Variants in PHEX observed in about 807,000 individuals in gnomAD.
PHEX encodes the protein phosphate-regulating neutral endopeptidase PHEX.
PHEX carries 16 observed loss-of-function variants against 68.0 expected under a neutral mutation model. The observed-to-expected ratio is 0.24, with a 90% confidence interval of 0.16 to 0.36. The LOEUF is 0.36. Ranked by LOEUF, PHEX falls within the 10% of genes least tolerant of loss-of-function variation. The probability of loss-of-function intolerance (pLI) is 1.00; values close to 1 mark genes in which losing one functional copy is unlikely to be tolerated. For synonymous variants in PHEX, 208 were observed against 205.1 expected, an observed-to-expected ratio of 1.01 and a Z score of -0.12; for missense variants, 480 against 575.5, an observed-to-expected ratio of 0.83 and a Z score of 1.70.
chrX:22,214,448 G>T (rs1488066658), intron 16 of PHEX, among the ~76,000 whole-genome samples: 1 of 111,998 alleles, frequency 8.9e-6, no homozygotes, highest in Non-Finnish European at 1.9e-5. Context: ...TAGCAATATG[G>T]ACATCTTTTG....
At chrX:22,114,668 G>T in intron 11 of PHEX, 82 bp downstream of exon 11, 1 of 866,360 alleles carries the variant, frequency 1.2e-6, no homozygotes, top group Non-Finnish European at 1.7e-6. Context: ...GCTAATGTCA[G>T]CCTTCCAGGT....
At chrX:22,085,184 T>C (rs780434584) in intron 5 of PHEX, among the ~76,000 whole-genome samples, 1 of 112,144 alleles carries the variant, frequency 8.9e-6, no homozygotes, top group South Asian at 3.7e-4. Flanking sequence ...GATTTTAATA[T>C]GTTGTAATTT....
chrX:22,062,792 G>C (rs923154342), intron 3 of PHEX, among the ~76,000 whole-genome samples: 9 of 111,137 alleles, frequency 8.1e-5, no homozygotes, highest in Non-Finnish European at 1.7e-4. Context: ...ACAGAGTCTT[G>C]CTCTGTTGCC....
intron 11 of PHEX, among the ~76,000 whole-genome samples, chrX:22,126,532 A>G (rs1264177761): frequency 8.9e-6 from 1 of 112,145 alleles, no homozygotes; most frequent in Non-Finnish European, 1.9e-5. Flanking sequence ...TCATTTATGC[A>G]AAGTACAGAA....
At position 22,036,025 on chromosome X, in the gene PHEX, C is replaced by CGT. The variant is rs1420444697; in HGVS notation, c.119-2444_119-2443insGT. Among the ~76,000 whole-genome samples, 118 of 93,230 alleles carry CGT rather than the reference C, an allele frequency of 1.3e-3. 1 individual carries two copies. Among genetic ancestry groups the CGT allele is most frequent in the African/African-American group, 4.7e-3 (115 of 24,660 alleles). 81.0% of individuals were successfully genotyped at this position (93,230 alleles called of 115,157 possible). On this transcript the variant is annotated intron_variant, in intron 1 of 21. Coordinates refer to ENST00000379374, the MANE Select transcript of PHEX (RefSeq NM_000444.6). ...ACACACACACACACACACACACACA[C>CGT]ACACACGTACATATATATATATATA...
chrX:22,066,195 G>A (rs1049356743), intron 3 of PHEX, among the ~76,000 whole-genome samples: 4 of 111,991 alleles, frequency 3.6e-5, no homozygotes, highest in Non-Finnish European at 7.5e-5. Context: ...TGTAATGAGC[G>A]ATATGTTTTG....
At chrX:22,089,497 T>G (rs1202295338) in intron 5 of PHEX, among the ~76,000 whole-genome samples, 1 of 109,512 alleles carries the variant, frequency 9.1e-6, no homozygotes, top group African/African-American at 3.3e-5. Flanking sequence ...CTCTGCTCAC[T>G]GCAGCCTCCA....
chrX:22,119,617 G>A (rs1233531697), intron 11 of PHEX, among the ~76,000 whole-genome samples: 1 of 102,014 alleles, frequency 9.8e-6, no homozygotes, highest in African/African-American at 3.7e-5. Flanking sequence ...TTTTGAGACA[G>A]AGTCTTGCTC....
At chrX:22,143,806 A>G (rs191130088) in intron 12 of PHEX, among the ~76,000 whole-genome samples, 133 of 112,488 alleles carry the variant, frequency 1.2e-3, no homozygotes, top group African/African-American at 4.3e-3. Context: ...AAACCCCTGT[A>G]GCATTTCTGA....
At chrX:22,208,677 T>C (rs1934790789) in intron 15 of PHEX, among the ~76,000 whole-genome samples, 1 of 112,015 alleles carries the variant, frequency 8.9e-6, no homozygotes. Context: ...AAACTGAGGA[T>C]GGGGCCCAGC....
chrX:22,104,488 T>C (rs1441088939), intron 9 of PHEX, among the ~76,000 whole-genome samples: 1 of 111,584 alleles, frequency 9.0e-6, no homozygotes, highest in East Asian at 2.8e-4. Flanking sequence ...TCCCTCATGT[T>C]ATGTGCATCT....
At chrX:22,216,695 T>A (rs1006094549) in intron 16 of PHEX, among the ~76,000 whole-genome samples, 8 of 76,375 alleles carry the variant, frequency 1.0e-4, no homozygotes, top group African/African-American at 5.1e-4. Flanking sequence ...AATTTTGTAT[T>A]TTTTAATAGA....
At chrX:22,228,297 A>G (rs5904629) in intron 20 of PHEX, among the ~76,000 whole-genome samples, 34,355 of 110,965 alleles carry the variant, frequency 0.31, 4,090 homozygotes, top group Middle Eastern at 0.38. Context: ...GGATAGGTCA[A>G]TAAAGGTTCT....
chrX:22,126,883 T>C (rs1001212259), intron 11 of PHEX, among the ~76,000 whole-genome samples: 27 of 93,417 alleles, frequency 2.9e-4, no homozygotes, highest in Non-Finnish European at 5.4e-4. Flanking sequence ...TTTTTTTTTT[T>C]TTTTTTGAGA....
intron 2 of PHEX, among the ~76,000 whole-genome samples, chrX:22,045,262 T>A (rs1374141151): frequency 8.9e-6 from 1 of 111,886 alleles, no homozygotes; most frequent in Non-Finnish European, 1.9e-5. Context: ...TTGTACTTTT[T>A]TGGGGCAGTT....
At chrX:22,035,042 C>A (rs1926947803) in intron 1 of PHEX, among the ~76,000 whole-genome samples, 1 of 110,828 alleles carries the variant, frequency 9.0e-6, no homozygotes, top group Non-Finnish European at 1.9e-5. Context: ...CTCTTCATGA[C>A]AATATTCTAG....
rs1057515842 is a variant in PHEX at position 22,047,147 on chromosome X, C to G, written c.285C>G (p.Pro95=). Residue 95 remains proline (P), a synonymous_variant, in exon 3 of 22, where the codon CCC becomes CCG. Transcript: ENST00000379374. ...CDGWISNNPI[P]EDMPSYGVYP... Reference sequence around the variant, plus strand: ...GCTGGATAAGCAATAATCCAATTCCCGAAGATATGCCAAGCTATGGGGTTT... The same window carrying G: ...GCTGGATAAGCAATAATCCAATTCCGGAAGATATGCCAAGCTATGGGGTTT... 1 of 1,208,002 alleles carries G rather than the reference C, an allele frequency of 8.3e-7. No individual in the cohort carries two copies.
chrX:22,056,863 G>A (rs186687813), intron 3 of PHEX, among the ~76,000 whole-genome samples: 168 of 109,231 alleles, frequency 1.5e-3, no homozygotes, highest in Non-Finnish European at 2.5e-3. Flanking sequence ...GTTCCCATAG[G>A]TATTGTAATC....
At chrX:22,230,866 G>T (rs1286661481) in intron 20 of PHEX, among the ~76,000 whole-genome samples, 14 of 111,854 alleles carry the variant, frequency 1.3e-4, no homozygotes, top group Non-Finnish European at 3.8e-5. Flanking sequence ...GGTTTCCAAA[G>T]GGAATGCTTC....
Sources: allele counts gnomAD v4.1 joint callset (sites outside exome capture counted in the v4.1 genomes callset), GRCh38; gene constraint gnomAD v4.1.1; transcripts MANE v1.5; gene names NCBI Gene and HGNC (gene_info 2026-07-23, HGNC 2026-07-21).